CDH8: variants seen among roughly 807,000 people sequenced by gnomAD.
The protein encoded by CDH8 is cadherin-8.
In CDH8, 17 loss-of-function variants were observed where a neutral mutation model predicts 68.1. That is an observed-to-expected ratio of 0.25 (90% CI 0.17 to 0.37). CDH8 has a LOEUF of 0.37. CDH8 is among the 10% of genes least tolerant of loss of function. CDH8 has a pLI of 1.00. For synonymous variants in CDH8, 372 were observed against 365.1 expected (o/e 1.02, Z -0.21); for missense variants, 763 against 999.3 (o/e 0.76, Z 3.19).
chr16:61,917,464 T>G (rs1292751358), intron 2 of CDH8, among the ~76,000 whole-genome samples: 4 of 152,130 alleles, frequency 2.6e-5, no homozygotes, highest in Non-Finnish European at 5.9e-5. Context: ...CCCCAGGTTA[T>G]AAATCCTAAG....
chr16:61,675,835 T>A (rs1963896796), intron 10 of CDH8, among the ~76,000 whole-genome samples: 1 of 151,266 alleles, frequency 6.6e-6, no homozygotes, highest in African/African-American at 2.4e-5. Context: ...TACTTGAAGT[T>A]AAAGTTTGAT....
At chr16:62,031,242 A>T (rs1432812608) in intron 1 of CDH8, among the ~76,000 whole-genome samples, 2 of 152,186 alleles carry the variant, frequency 1.3e-5, no homozygotes, top group East Asian at 3.8e-4. Context: ...TGATTGTGAG[A>T]GAACAAAAAT....
At chr16:61,889,958 G>A (rs185514153) in intron 3 of CDH8, among the ~76,000 whole-genome samples, 200 of 152,222 alleles carry the variant, frequency 1.3e-3, no homozygotes, top group African/African-American at 4.6e-3. Context: ...TATGATAAGT[G>A]CAGATTGACT....
chr16:61,928,663 A>C (rs1597072073), intron 2 of CDH8, among the ~76,000 whole-genome samples: 1 of 152,356 alleles, frequency 6.6e-6, no homozygotes, highest in East Asian at 1.9e-4. Context: ...GAGCAAATGG[A>C]AATCACACTT....
chr16:61,807,877 C>T (rs1176875207), intron 7 of CDH8, among the ~76,000 whole-genome samples: 2 of 152,206 alleles, frequency 1.3e-5, no homozygotes, highest in African/African-American at 2.4e-5. Context: ...CATGCTCTTG[C>T]TCCTTTCCTT....
intron 9 of CDH8, among the ~76,000 whole-genome samples, chr16:61,721,886 T>A (rs1033422970): frequency 6.6e-6 from 1 of 150,748 alleles, no homozygotes; most frequent in African/African-American, 2.4e-5. Flanking sequence ...AGCTTTTATA[T>A]CTATAACATG....
At chr16:61,872,948 C>A (rs1455080707) in intron 3 of CDH8, among the ~76,000 whole-genome samples, 2 of 152,162 alleles carry the variant, frequency 1.3e-5, no homozygotes, top group African/African-American at 2.4e-5. Context: ...TTAGCACCTG[C>A]ATTCTAAAGA....
chr16:61,782,606 C>T (rs1375362615), intron 8 of CDH8, among the ~76,000 whole-genome samples: 3 of 151,640 alleles, frequency 2.0e-5, no homozygotes, highest in Admixed American at 6.6e-5. Flanking sequence ...GGAGGCCTGC[C>T]TGCCTCTGTA....
intron 3 of CDH8, among the ~76,000 whole-genome samples, chr16:61,882,384 C>G (rs1253057425): frequency 6.6e-6 from 1 of 152,112 alleles, no homozygotes; most frequent in Non-Finnish European, 1.5e-5. Context: ...AAATGTTTTC[C>G]ATTTTGCAGA....
intron 10 of CDH8, among the ~76,000 whole-genome samples, chr16:61,712,407 G>C (rs1964647405): frequency 6.6e-6 from 1 of 151,698 alleles, no homozygotes; most frequent in African/African-American, 2.4e-5. Flanking sequence ...TATTTGGAAT[G>C]GGAAATAACT....
rs1963356907 is a variant in CDH8, at chr16:61,652,930, T to C, written c.*678A>G. Reference sequence around the variant, plus strand: ...AACAAGCATGTTTGAATGGGATTTCTCTCCTCCCACCACTGAATTGGCAAG... The same window carrying C: ...AACAAGCATGTTTGAATGGGATTTCCCTCCTCCCACCACTGAATTGGCAAG... On this transcript the variant is annotated 3_prime_UTR_variant, in exon 12 of 12. Coordinates refer to ENST00000577390, the MANE Select transcript of CDH8 (RefSeq NM_001796.5). 6.5e-7 allele frequency: 1 copy of C among 1,528,398 alleles called. No homozygotes were observed. The highest frequency in any genetic ancestry group is 2.0e-5 in the Admixed American group (1 of 50,114). 94.7% of individuals were successfully genotyped at this position (1,528,398 alleles called of 1,614,324 possible).
intron 10 of CDH8, among the ~76,000 whole-genome samples, chr16:61,701,550 T>G (rs975430571): frequency 2.4e-4 from 37 of 152,242 alleles, no homozygotes; most frequent in Admixed American, 2.3e-3. Flanking sequence ...ATCATTAAAA[T>G]AGGATAATGT....
intron 2 of CDH8, among the ~76,000 whole-genome samples, chr16:61,999,392 C>T (rs915970947): frequency 6.6e-6 from 1 of 152,070 alleles, no homozygotes; most frequent in Non-Finnish European, 1.5e-5. Context: ...GAGGCAGAAA[C>T]TCAGAGTAAA....
chr16:61,892,076 CTT>C (rs1963788378), intron 3 of CDH8, among the ~76,000 whole-genome samples: 1 of 152,190 alleles, frequency 6.6e-6, no homozygotes, highest in Non-Finnish European at 1.5e-5. Context: ...AAATGAGCCT[CTT>C]TAATTATTAG....
intron 3 of CDH8, among the ~76,000 whole-genome samples, chr16:61,887,786 AT>A (rs1380235907): frequency 1.3e-5 from 2 of 152,158 alleles, no homozygotes; most frequent in Non-Finnish European, 2.9e-5. Flanking sequence ...ACTGTAAAAA[AT>A]GTGTTAATAC....
intron 4 of CDH8, among the ~76,000 whole-genome samples, chr16:61,848,952 C>T (rs912633883): frequency 2.0e-5 from 3 of 152,018 alleles, no homozygotes; most frequent in African/African-American, 4.8e-5. Context: ...CATTTAACCT[C>T]AAAGATCCTC....
At chr16:61,908,915 T>C (rs955165438) in intron 2 of CDH8, among the ~76,000 whole-genome samples, 1 of 152,156 alleles carries the variant, frequency 6.6e-6, no homozygotes, top group Admixed American at 6.5e-5. Context: ...ATGACCCTCA[T>C]GATCACATAG....
intron 2 of CDH8, among the ~76,000 whole-genome samples, chr16:61,945,492 C>A (rs985025245): frequency 6.8e-6 from 1 of 147,968 alleles, no homozygotes; most frequent in Non-Finnish European, 1.5e-5. Context: ...TGTCATCTTT[C>A]TTACCCTCAA....
At chr16:61,760,769 G>A (rs1043190640) in intron 8 of CDH8, among the ~76,000 whole-genome samples, 1 of 151,982 alleles carries the variant, frequency 6.6e-6, no homozygotes, top group Non-Finnish European at 1.5e-5. Flanking sequence ...AATTACATGA[G>A]GCAGTATAAG....
Sources: allele counts gnomAD v4.1 joint callset (sites outside exome capture counted in the v4.1 genomes callset), GRCh38; gene constraint gnomAD v4.1.1; transcripts MANE v1.5; gene names NCBI Gene and HGNC (gene_info 2026-07-23, HGNC 2026-07-21).